Variants in FGF12 observed in about 807,000 individuals in gnomAD.
The protein encoded by FGF12 is fibroblast growth factor 12B.
A neutral mutation model predicts 23.6 loss-of-function variants in FGF12; 14 were observed. That is an observed-to-expected ratio of 0.59 (90% confidence interval 0.39 to 0.93). FGF12 has a LOEUF of 0.93. FGF12 is among the 40% of genes least tolerant of loss of function. The probability of loss-of-function intolerance (pLI) is 0.00; values close to 1 mark genes in which losing one functional copy is unlikely to be tolerated. For missense variants in FGF12, 175 were observed against 217.8 expected (o/e 0.80, Z 1.24); for synonymous variants, 62 against 77.3 (o/e 0.80, Z 1.04).
intron 4 of FGF12, among the ~76,000 whole-genome samples, chr3:192,274,084 T>A (rs1713623703): frequency 6.6e-6 from 1 of 152,146 alleles, no homozygotes; most frequent in Admixed American, 6.5e-5. Context: ...AAACATCGTA[T>A]AAACACTCTA....
intron 2 of FGF12, among the ~76,000 whole-genome samples, chr3:192,699,759 G>A (rs1394951549): frequency 1.3e-5 from 2 of 152,166 alleles, no homozygotes; most frequent in African/African-American, 2.4e-5. Flanking sequence ...CAGAAGTAGT[G>A]CAGAGACATG....
At chr3:192,493,912 C>A (rs987145425) in intron 2 of FGF12, among the ~76,000 whole-genome samples, 2 of 151,670 alleles carry the variant, frequency 1.3e-5, no homozygotes, top group Admixed American at 1.3e-4. Context: ...GATCCAAACC[C>A]TATCACAGGA....
intron 4 of FGF12, among the ~76,000 whole-genome samples, chr3:192,289,555 T>A (rs2108647934): frequency 6.6e-6 from 1 of 152,280 alleles, no homozygotes; most frequent in Non-Finnish European, 1.5e-5. Flanking sequence ...GAGACTGGAA[T>A]CTTGCTGGGT....
At chr3:192,269,985 T>A (rs1713331106) in intron 4 of FGF12, among the ~76,000 whole-genome samples, 1 of 152,184 alleles carries the variant, frequency 6.6e-6, no homozygotes, top group South Asian at 2.1e-4. Context: ...AGGTGTTTCA[T>A]TAAAGAACAT....
rs370317111 is a variant in FGF12, at chr3:192,537,950, C to CTTTTTTTTTTTTTTTTTTTTTTTTTT, written c.14-177413_14-177412insAAAAAAAAAAAAAAAAAAAAAAAAAA. 1.4e-3 allele frequency among the ~76,000 whole-genome samples: 170 copies of CTTTTTTTTTTTTTTTTTTTTTTTTTT among 121,292 alleles called. 13 individuals carry two copies. The highest frequency in any genetic ancestry group is 1.8e-3 in the African/African-American group (59 of 33,684). 79.6% of individuals were successfully genotyped at this position (121,292 alleles called of 152,430 possible). A position where few individuals can be genotyped will look rare whatever the true frequency, so the allele number is the denominator to read the frequency against. ...AAGGTCTTAGATTTAAGCCTTTAAC[C>CTTTTTTTTTTTTTTTTTTTTTTTTTT]TTTTTTTTTTTTTGAGATGGAGTTT... is the stretch of plus-strand genomic sequence containing the variant. On this transcript the variant is annotated intron_variant, in intron 2 of 5. Coordinates refer to ENST00000445105, the MANE Select transcript of FGF12 (RefSeq NM_004113.6).
At chr3:192,276,689 C>T (rs1345547275) in intron 4 of FGF12, among the ~76,000 whole-genome samples, 1 of 152,068 alleles carries the variant, frequency 6.6e-6, no homozygotes, top group African/African-American at 2.4e-5. Context: ...GAAACCAGAA[C>T]CCCATTTCCC....
chr3:192,431,259 G>A (rs1047200912), intron 2 of FGF12, among the ~76,000 whole-genome samples: 6 of 152,088 alleles, frequency 3.9e-5, no homozygotes, highest in Admixed American at 6.6e-5. Flanking sequence ...AAACTTCAGC[G>A]GTACCTGTAA....
At position 192,497,874 on chromosome 3, in the gene FGF12, T is replaced by C. The variant is rs1026732745; in HGVS notation, c.14-137336A>G. Among the ~76,000 whole-genome samples, 4 of 152,370 alleles carry C rather than the reference T, an allele frequency of 2.6e-5. No homozygotes were observed. The South Asian group carries it at 6.2e-4, about 24-fold the overall frequency. ...ATACACATGCAAGTTGTTTATTTAT[T>C]GTTTTACTTCTGCACTAGAAAATAA... is the stretch of plus-strand genomic sequence containing the variant. On this transcript the variant is annotated intron_variant, in intron 2 of 5. Coordinates refer to ENST00000445105, the MANE Select transcript of FGF12 (RefSeq NM_004113.6).
At position 192,444,668 on chromosome 3, in the gene FGF12, A is replaced by G. The variant is rs1217115044; in HGVS notation, c.14-84130T>C. ...ACCATCACAGCCCTGCTTGCTACGCACAGGAGGCCAGGAGTGGTGGGCGAG... is the reference window on the plus strand; with the variant it reads ...ACCATCACAGCCCTGCTTGCTACGCGCAGGAGGCCAGGAGTGGTGGGCGAG... On this transcript the variant is annotated intron_variant, in intron 2 of 5. Coordinates refer to ENST00000445105, the MANE Select transcript of FGF12 (RefSeq NM_004113.6). Among the ~76,000 whole-genome samples, 3 of 152,206 alleles carry G rather than the reference A, an allele frequency of 2.0e-5. No individual in the cohort carries two copies. The East Asian group carries it at 5.8e-4, about 29-fold the overall frequency.
intron 4 of FGF12, among the ~76,000 whole-genome samples, chr3:192,220,980 T>G (rs1193061942): frequency 6.6e-6 from 1 of 152,176 alleles, no homozygotes; most frequent in Non-Finnish European, 1.5e-5. Flanking sequence ...AAAAGCATCT[T>G]GCACCAACCA....
rs71298512 is a variant in FGF12 at position 192,385,558 on chromosome 3, A to ACCC, written c.14-25023_14-25021dup. Among the ~76,000 whole-genome samples the ACCC allele has an allele frequency of 5.3e-5, 8 of 150,376 alleles. No homozygotes were observed. In the South Asian group the frequency reaches 1.1e-3, roughly 20 times the overall value. ...AAACAAAGCAGGACTGAGAGAATTC[A>ACCC]CCCCCCCCAGCTCATAGTTCAGACC... On this transcript the variant is annotated intron_variant, in intron 2 of 5. Transcript: ENST00000445105.
At position 192,445,524 on chromosome 3, in the gene FGF12, C is replaced by G. The variant is rs180869110; in HGVS notation, c.14-84986G>C. Among the ~76,000 whole-genome samples, 937 of 152,224 alleles carry G rather than the reference C, an allele frequency of 6.2e-3. 8 individuals carry two copies. The highest frequency in any genetic ancestry group is 0.01 in the Middle Eastern group (3 of 294). ...TATTCTAGAAAATTCAAACAGATGC[C>G]TTTTCCTGAGTCCTTCACCCCAAGA... On this transcript the variant is annotated intron_variant, in intron 2 of 5. Coordinates refer to ENST00000445105, the MANE Select transcript of FGF12 (RefSeq NM_004113.6).
At chr3:192,185,684 AC>A (rs1266110313) in intron 4 of FGF12, among the ~76,000 whole-genome samples, 1 of 151,898 alleles carries the variant, frequency 6.6e-6, no homozygotes, top group African/African-American at 2.4e-5. Flanking sequence ...ACATGGTGAA[AC>A]CCCATCTCTA....
In FGF12 at chr3:192,353,862, G is replaced by A. The variant is rs147428812; in HGVS notation, c.124+6566C>T. Among the ~76,000 whole-genome samples the A allele has an allele frequency of 3.3e-4, 50 of 152,302 alleles. No individual in the cohort carries two copies. In the East Asian group the frequency reaches 9.3e-3, roughly 28 times the overall value. ...GCACTATCTTTAAAATTAAAACACA[G>A]TCAATGAAAACAAATTTCTAACAAA... is the stretch of plus-strand genomic sequence containing the variant. On this transcript the variant is annotated intron_variant, in intron 3 of 5. Coordinates refer to ENST00000445105, the MANE Select transcript of FGF12 (RefSeq NM_004113.6).
At chr3:192,576,711 A>G (rs1163445948) in intron 2 of FGF12, among the ~76,000 whole-genome samples, 1 of 152,224 alleles carries the variant, frequency 6.6e-6, no homozygotes, top group East Asian at 1.9e-4. Flanking sequence ...ACAACAGTTT[A>G]GTCCCAAATC....
At chr3:192,288,045 G>C (rs746045479) in intron 4 of FGF12, among the ~76,000 whole-genome samples, 9 of 144,142 alleles carry the variant, frequency 6.2e-5, no homozygotes, top group Non-Finnish European at 3.0e-5. Flanking sequence ...CTAGAAATAA[G>C]TTGAAGGAAA....
chr3:192,364,988 T>C (rs1172372567), intron 2 of FGF12, among the ~76,000 whole-genome samples: 3 of 152,124 alleles, frequency 2.0e-5, no homozygotes, highest in Non-Finnish European at 4.4e-5. Context: ...ACTTTACCTC[T>C]GTGATCTTCC....
At chr3:192,686,676 G>A (rs367546349) in intron 2 of FGF12, among the ~76,000 whole-genome samples, 11 of 152,118 alleles carry the variant, frequency 7.2e-5, no homozygotes, top group South Asian at 6.2e-4. Flanking sequence ...ACTCAGCAAG[G>A]AGATGTGTAA....
At chr3:192,444,943 T>C (rs539965970) in intron 2 of FGF12, among the ~76,000 whole-genome samples, 4 of 152,324 alleles carry the variant, frequency 2.6e-5, no homozygotes, top group Admixed American at 6.5e-5. Flanking sequence ...TTCGCTTCTT[T>C]AAATAAAAGA....
Sources: allele counts gnomAD v4.1 joint callset (sites outside exome capture counted in the v4.1 genomes callset), GRCh38; gene constraint gnomAD v4.1.1; transcripts MANE v1.5; gene names NCBI Gene and HGNC (gene_info 2026-07-23, HGNC 2026-07-21).